The following NCOA2 variants were observed in gnomAD, a reference collection of about 807,000 sequenced individuals.
NCOA2 encodes nuclear receptor coactivator 2, also known as class E basic helix-loop-helix protein 75.
A neutral mutation model predicts 145.1 loss-of-function variants in NCOA2; 21 were observed. The ratio of observed to expected loss-of-function variants is 0.14; its 90% CI spans 0.10 to 0.21. The LOEUF is 0.21. Among genes scored for constraint, NCOA2 ranks in the 10% least tolerant of loss-of-function variants. NCOA2 has a pLI of 1.00. For synonymous variants in NCOA2, 619 were observed against 637.5 expected, an observed-to-expected ratio of 0.97 and a Z score of 0.44; for missense variants, 1,472 against 1,837.6, an observed-to-expected ratio of 0.80 and a Z score of 3.64.
chr8:70,352,756 C>T (rs1004859447), intron 1 of NCOA2, among the ~76,000 whole-genome samples: 1 of 152,206 alleles, frequency 6.6e-6, no homozygotes, highest in African/African-American at 2.4e-5. Context: ...TCTTCTATTA[C>T]AGTTTTCTTA....
chr8:70,138,452 TTAAC>T (rs1809996549), intron 14 of NCOA2, 120 bp from the exon 15 acceptor site: 1 of 947,434 alleles, frequency 1.1e-6, no homozygotes. Flanking sequence ...GCAGTAATAA[TTAAC>T]TAGGTGAATA....
At chr8:70,387,098 T>C (rs1313620320) in intron 1 of NCOA2, among the ~76,000 whole-genome samples, 2 of 152,128 alleles carry the variant, frequency 1.3e-5, no homozygotes, top group Non-Finnish European at 2.9e-5. Context: ...TAACGCCCGG[T>C]CTGGTAAACT....
chr8:70,268,035 T>C (rs1404954241), intron 2 of NCOA2, among the ~76,000 whole-genome samples: 2 of 152,252 alleles, frequency 1.3e-5, no homozygotes, highest in African/African-American at 4.8e-5. Context: ...AGAAGAATTA[T>C]CAACCTCTGT....
intron 2 of NCOA2, among the ~76,000 whole-genome samples, chr8:70,296,256 C>G (rs749728526): frequency 7.2e-5 from 11 of 152,126 alleles, no homozygotes; most frequent in Non-Finnish European, 1.3e-4. Context: ...GCTTGAGAAG[C>G]TATTTTACAC....
intron 1 of NCOA2, among the ~76,000 whole-genome samples, chr8:70,340,590 T>C (rs1489669819): frequency 2.6e-5 from 4 of 152,152 alleles, no homozygotes; most frequent in Non-Finnish European, 5.9e-5. Context: ...AATCCCACTA[T>C]TGGGTATACA....
At chr8:70,216,397 A>C (rs1819621810) in intron 3 of NCOA2, among the ~76,000 whole-genome samples, 1 of 151,660 alleles carries the variant, frequency 6.6e-6, no homozygotes, top group Non-Finnish European at 1.5e-5. Context: ...TTGTGTAATC[A>C]AACTCAATAT....
intron 19 of NCOA2, 86 bp downstream of exon 19, chr8:70,126,727 G>T: frequency 9.0e-7 from 1 of 1,114,294 alleles, no homozygotes; most frequent in Non-Finnish European, 1.3e-6. Context: ...CATGCAAAGA[G>T]CTGTGAGAGA....
Position 70,213,225 on chromosome 8 carries a change from G to A in NCOA2, c.259+678C>T, listed in dbSNP as rs188536653. On this transcript the variant is annotated intron_variant, in intron 4 of 22. Coordinates refer to ENST00000452400, the MANE Select transcript of NCOA2 (RefSeq NM_006540.4). ...CACCAAAACGTTGTTCATACATGCC[G>A]AATAAAGATTTATTTTTGGCACCAC... Among the ~76,000 whole-genome samples the A allele has an allele frequency of 2.2e-4, 33 of 151,944 alleles. No individual in the cohort carries two copies. In the East Asian group the frequency reaches 6.0e-3, roughly 28 times the overall value.
chr8:70,351,610 T>A (rs35239438), intron 1 of NCOA2, among the ~76,000 whole-genome samples: 2 of 149,826 alleles, frequency 1.3e-5, no homozygotes, highest in African/African-American at 2.4e-5. Context: ...TTTTTTTTTT[T>A]AAAGTCTTGC....
At chr8:70,292,833 AAAC>A (rs1203678951) in intron 2 of NCOA2, among the ~76,000 whole-genome samples, 1 of 152,208 alleles carries the variant, frequency 6.6e-6, no homozygotes, top group Non-Finnish European at 1.5e-5. Context: ...AAAAGGAAGA[AAAC>A]AACAAGAAAA....
Position 70,265,335 on chromosome 8 carries a change from T to G in NCOA2, c.-20+31409A>C, listed in dbSNP as rs73684254. Among the ~76,000 whole-genome samples, 212 of 152,340 alleles carry G rather than the reference T, an allele frequency of 1.4e-3. 2 individuals are homozygous for G. Among genetic ancestry groups the G allele is most frequent in the African/African-American group, 4.9e-3 (205 of 41,570 alleles). ...CTCACTGGGATCCATGCTGGCACCATGATCTTAGACTCCCTGCCTCCGGAA... is the reference window on the plus strand; with the variant it reads ...CTCACTGGGATCCATGCTGGCACCAGGATCTTAGACTCCCTGCCTCCGGAA... On this transcript the variant is annotated intron_variant, in intron 2 of 22. Transcript: ENST00000452400.
At chr8:70,386,187 T>C (rs73684290) in intron 1 of NCOA2, among the ~76,000 whole-genome samples, 4,035 of 152,314 alleles carry the variant, frequency 0.026, 166 homozygotes, top group African/African-American at 0.092. Context: ...GAAAACTCTC[T>C]TTAAAATTAC....
At position 70,124,759 on chromosome 8, in the gene NCOA2, A is replaced by G. The variant is rs1808222476; in HGVS notation, c.4023T>C (p.Ser1341=). The change falls in exon 20 of 23, where the codon TCT becomes TCC. Residue 1341 remains serine, a synonymous_variant. Coordinates refer to ENST00000452400, the MANE Select transcript of NCOA2 (RefSeq NM_006540.4). The stretch of plus-strand genomic sequence containing the variant: ...GGGCCTGATAGGCTGGGTTGGCCTG[A>G]GACTGTTGCATCATGGGACTCTGTG... The part of the protein sequence containing the change: ...AHTQSPMMQQ[S]QANPAYQAPS... 6.2e-7 allele frequency: 1 copy of G among 1,613,516 alleles called. No homozygotes were observed. Among genetic ancestry groups the G allele is most frequent in the Non-Finnish European group, 8.5e-7 (1 of 1,179,796 alleles).
upstream of NCOA2, among the ~76,000 whole-genome samples, chr8:70,408,246 A>T (rs929817528): frequency 2.6e-5 from 4 of 152,200 alleles, no homozygotes; most frequent in African/African-American, 9.7e-5. Context: ...AACCAAACTT[A>T]TTCACTAATG....
Position 70,191,641 on chromosome 8 carries a change from G to A in NCOA2, c.260-16782C>T, listed in dbSNP as rs1816691461. On this transcript the variant is annotated intron_variant, in intron 4 of 22. Transcript: ENST00000452400. ...GAGAGAGGGAGGAAGAGAGAGGGAG[G>A]GAGAGGGAGAAAGAGACATACACAA... is the stretch of plus-strand genomic sequence containing the variant. Among the ~76,000 whole-genome samples, 4 of 152,126 alleles carry A rather than the reference G, an allele frequency of 2.6e-5. No homozygotes were observed. The South Asian group carries it at 8.3e-4, about 32-fold the overall frequency.
the NCOA2 span, among the ~76,000 whole-genome samples, chr8:70,443,440 A>G: frequency 9.8e-5 from 15 of 152,302 alleles, no homozygotes; most frequent in South Asian, 2.1e-3. Context: ...AGGAATCACT[A>G]TCTTTAGACA....
intron 2 of NCOA2, among the ~76,000 whole-genome samples, chr8:70,224,604 A>G (rs1163247052): frequency 6.6e-6 from 1 of 152,156 alleles, no homozygotes; most frequent in Non-Finnish European, 1.5e-5. Flanking sequence ...AAAAGTGCTT[A>G]TAAGGTGCAG....
intron 2 of NCOA2, among the ~76,000 whole-genome samples, chr8:70,292,067 G>A (rs541168556): frequency 7.9e-5 from 11 of 139,408 alleles, no homozygotes; most frequent in South Asian, 2.3e-4. Context: ...AGAGCGAGAC[G>A]CCGTCTCAAA....
Position 70,200,331 on chromosome 8 carries a change from G to A in NCOA2, c.259+13572C>T, listed in dbSNP as rs559598656. ...ATATTATTGGAGTTCAATATTATGG[G>A]TCCTGGTTTATCTATTCATTTCTAG... On this transcript the variant is annotated intron_variant, in intron 4 of 22. Coordinates refer to ENST00000452400, the MANE Select transcript of NCOA2 (RefSeq NM_006540.4). Among the ~76,000 whole-genome samples, 65 of 152,186 alleles carry A rather than the reference G, an allele frequency of 4.3e-4. No homozygotes were observed. In the South Asian group the frequency reaches 4.4e-3, roughly 10 times the overall value.
Sources: allele counts gnomAD v4.1 joint callset (sites outside exome capture counted in the v4.1 genomes callset), GRCh38; gene constraint gnomAD v4.1.1; transcripts MANE v1.5; gene names NCBI Gene and HGNC (gene_info 2026-07-23, HGNC 2026-07-21).